DPP10: variants seen among roughly 807,000 people sequenced by gnomAD.
DPP10 encodes the protein inactive dipeptidyl peptidase 10.
In DPP10, 33 loss-of-function variants were observed where a neutral mutation model predicts 120.9. The ratio of observed to expected loss-of-function variants is 0.27; its 90% confidence interval spans 0.21 to 0.37. DPP10 has a LOEUF of 0.37. DPP10 is among the 10% of genes least tolerant of loss of function. DPP10 has a pLI of 1.00. For missense variants in DPP10, 816 were observed against 942.8 expected, an observed-to-expected ratio of 0.87 and a Z score of 1.76; for synonymous variants, 337 against 326.1, an observed-to-expected ratio of 1.03 and a Z score of -0.36.
At chr2:115,555,490 G>A (rs1383909972) in intron 5 of DPP10, among the ~76,000 whole-genome samples, 1 of 152,040 alleles carries the variant, frequency 6.6e-6, no homozygotes, top group Non-Finnish European at 1.5e-5. Flanking sequence ...AGTAAGGTTT[G>A]TTTATGCAGA....
At chr2:115,152,986 T>C (rs2051661634) in intron 1 of DPP10, among the ~76,000 whole-genome samples, 1 of 152,068 alleles carries the variant, frequency 6.6e-6, no homozygotes, top group Non-Finnish European at 1.5e-5. Flanking sequence ...TCAAGTACCA[T>C]GGGAGGGGTG....
chr2:115,311,760 A>G (rs939437517), intron 2 of DPP10, among the ~76,000 whole-genome samples: 2 of 152,020 alleles, frequency 1.3e-5, no homozygotes, highest in African/African-American at 4.8e-5. Flanking sequence ...AGTGGCATTT[A>G]TTTATTTATT....
chr2:115,011,170 T>G (rs561597799), intron 1 of DPP10, among the ~76,000 whole-genome samples: 1 of 152,346 alleles, frequency 6.6e-6, no homozygotes, highest in South Asian at 2.1e-4. Context: ...TGTTTTAGAT[T>G]TGTTGAGACT....
chr2:114,624,585 A>G (rs965705663), intron 1 of DPP10, among the ~76,000 whole-genome samples: 1 of 151,940 alleles, frequency 6.6e-6, no homozygotes, highest in African/African-American at 2.4e-5. Flanking sequence ...TTTCACTTAA[A>G]AGAGACATTT....
At chr2:114,719,295 C>T (rs539850883) in intron 1 of DPP10, among the ~76,000 whole-genome samples, 1 of 152,246 alleles carries the variant, frequency 6.6e-6, no homozygotes, top group South Asian at 2.1e-4. Context: ...CCTCATTTGG[C>T]TTGCTACTGA....
chr2:114,496,214 G>T (rs1206413045), intron 1 of DPP10, among the ~76,000 whole-genome samples: 1 of 152,124 alleles, frequency 6.6e-6, no homozygotes, highest in Admixed American at 6.6e-5. Flanking sequence ...AAGAAACCTG[G>T]AAAAGGTGCC....
chr2:115,660,955 C>A (rs1223177383), intron 5 of DPP10, among the ~76,000 whole-genome samples: 2 of 136,624 alleles, frequency 1.5e-5, no homozygotes, highest in African/African-American at 5.2e-5. Flanking sequence ...GTTAAAAATT[C>A]ATATATTATA....
At chr2:114,670,162 A>G (rs1238541627) in intron 1 of DPP10, among the ~76,000 whole-genome samples, 2 of 152,312 alleles carry the variant, frequency 1.3e-5, no homozygotes, top group Non-Finnish European at 2.9e-5. Flanking sequence ...CAGCCATCCC[A>G]TTACTGGGTA....
intron 1 of DPP10, among the ~76,000 whole-genome samples, chr2:115,024,526 A>T (rs531088410): frequency 1.3e-5 from 2 of 151,586 alleles, no homozygotes; most frequent in Non-Finnish European, 2.9e-5. Context: ...TTTATACATA[A>T]CAGATGCACA....
chr2:115,326,942 A>T (rs1264045855), intron 2 of DPP10, among the ~76,000 whole-genome samples: 1 of 152,052 alleles, frequency 6.6e-6, no homozygotes, highest in Non-Finnish European at 1.5e-5. Context: ...GTGCTTATAA[A>T]GTCTACAGTA....
At chr2:115,602,194 T>C (rs1041130120) in intron 5 of DPP10, among the ~76,000 whole-genome samples, 6 of 152,206 alleles carry the variant, frequency 3.9e-5, no homozygotes, top group South Asian at 2.1e-4. Context: ...CAATGATGAC[T>C]CTCATGATCA....
At chr2:115,475,626 A>G (rs546677391) in intron 3 of DPP10, among the ~76,000 whole-genome samples, 16 of 152,296 alleles carry the variant, frequency 1.1e-4, no homozygotes, top group African/African-American at 3.6e-4. Context: ...ATCCACCAGT[A>G]GCTTTCACAT....
intron 1 of DPP10, among the ~76,000 whole-genome samples, chr2:115,156,465 C>A (rs903429138): frequency 6.6e-6 from 1 of 152,136 alleles, no homozygotes; most frequent in Admixed American, 6.5e-5. Context: ...ACAAATTGAA[C>A]ATTGTGGAAG....
At chr2:114,455,730 T>TTA (rs1553443890) in intron 1 of DPP10, among the ~76,000 whole-genome samples, 34 of 17,116 alleles carry the variant, frequency 2.0e-3, no homozygotes, top group African/African-American at 2.6e-3. Flanking sequence ...AATTCATTTG[T>TTA]TTTTTTTTTT....
At chr2:115,246,603 C>T (rs967233431) in intron 1 of DPP10, among the ~76,000 whole-genome samples, 3 of 151,976 alleles carry the variant, frequency 2.0e-5, no homozygotes, top group Non-Finnish European at 4.4e-5. Context: ...TGAAGAGAAA[C>T]AGATGAGCAG....
chr2:114,674,261 T>G (rs1248262351), intron 1 of DPP10, among the ~76,000 whole-genome samples: 1 of 151,982 alleles, frequency 6.6e-6, no homozygotes, highest in Non-Finnish European at 1.5e-5. Flanking sequence ...ATATATCCTA[T>G]TTGTTTCACT....
intron 5 of DPP10, among the ~76,000 whole-genome samples, chr2:115,654,817 G>A (rs2088142702): frequency 6.6e-6 from 1 of 151,674 alleles, no homozygotes; most frequent in Non-Finnish European, 1.5e-5. Flanking sequence ...CGGCAAAGGA[G>A]GGGCAATAAA....
In DPP10 at chr2:115,804,044, T is replaced by C. The variant is rs189832268; in HGVS notation, c.1701-10749T>C. 2.3e-3 allele frequency among the ~76,000 whole-genome samples: 344 copies of C among 152,264 alleles called. 7 individuals are homozygous for C. In the East Asian group the frequency reaches 0.059, roughly 26 times the overall value. On this transcript the variant is annotated intron_variant, in intron 19 of 25. Coordinates refer to ENST00000410059, the MANE Select transcript of DPP10 (RefSeq NM_020868.6). ...AGAGTGTTTTCCAACTTGGTTCCAT[T>C]CTCCCCGTCACTTTCAGGTACACCA...
intron 5 of DPP10, among the ~76,000 whole-genome samples, chr2:115,688,721 CAT>C (rs1468448797): frequency 1.3e-5 from 2 of 152,080 alleles, no homozygotes; most frequent in Non-Finnish European, 2.9e-5. Flanking sequence ...AGAAGCAAAA[CAT>C]AGAGGCATTT....
Sources: gnomAD v4.1 joint callset for allele counts (sites outside exome capture counted in the v4.1 genomes callset) on GRCh38, gnomAD v4.1.1 for gene constraint, MANE v1.5 for transcripts, NCBI Gene and HGNC (gene_info 2026-07-23, HGNC 2026-07-21) for gene names.